The following MGAT4A variants were observed in gnomAD, a reference collection of about 807,000 sequenced individuals.
MGAT4A encodes alpha-1,3-mannosyl-glycoprotein 4-beta-N-acetylglucosaminyltransferase A, also known as N-acetylglucosaminyltransferase IVa.
A neutral mutation model predicts 74.1 loss-of-function variants in MGAT4A; 33 were observed. The observed-to-expected ratio is 0.45, with a 90% CI of 0.34 to 0.60. MGAT4A has a LOEUF of 0.60. Ranked by LOEUF, MGAT4A falls within the 20% of genes least tolerant of loss-of-function variation. MGAT4A has a pLI of 0.02. For missense variants in MGAT4A, 479 were observed against 628.3 expected, an observed-to-expected ratio of 0.76 and a Z score of 2.54; for synonymous variants, 198 against 210.4, an observed-to-expected ratio of 0.94 and a Z score of 0.51.
In MGAT4A at chr2:98,621,754, G is replaced by C. The variant is rs1287411374; in HGVS notation, c.*3812C>G. 1.7e-6 allele frequency: 2 copies of C among 1,202,076 alleles called. No individual in the cohort carries two copies. Among genetic ancestry groups the C allele is most frequent in the East Asian group, 7.6e-5 (2 of 26,304 alleles). 74.5% of individuals were successfully genotyped at this position (1,202,076 alleles called of 1,614,324 possible). On this transcript the variant is annotated 3_prime_UTR_variant, in exon 16 of 16. Coordinates refer to ENST00000393487, the MANE Select transcript of MGAT4A (RefSeq NM_012214.3). ...TCCACATAACCAGTCTTTTCTTTGAGGGACAGCACTGTTGGGAGACAACCT... is the reference window on the plus strand; with the variant it reads ...TCCACATAACCAGTCTTTTCTTTGACGGACAGCACTGTTGGGAGACAACCT...
At chr2:98,641,741 T>C (rs1485511261) in intron 10 of MGAT4A, among the ~76,000 whole-genome samples, 1 of 151,644 alleles carries the variant, frequency 6.6e-6, no homozygotes, top group Non-Finnish European at 1.5e-5. Flanking sequence ...ACGTCTGTAA[T>C]CCTAGCACTT....
chr2:98,678,460 C>A lies in MGAT4A; in HGVS notation c.106G>T (p.Ala36Ser). ...TWQNGKEKLI[A>S]YQREFLALKE... ...AAAGCAAGGAATTCTCGTTGATAAG[C>A]AATCAGTTTTTCTAGAAGCAAAACC... Residue 36 changes from alanine (A) to serine (S), a missense_variant, in exon 3 of 16, where the codon GCT becomes TCT. Ala to Ser is a moderately conservative substitution (Grantham distance 99, BLOSUM62 1). Around this residue, in one of 3 missense-constraint regions of MGAT4A, gnomAD observed 205 missense variants for 232.7 expected, o/e 0.88. Coordinates refer to ENST00000393487, the MANE Select transcript of MGAT4A (RefSeq NM_012214.3). The A allele has an allele frequency of 6.4e-7, 1 of 1,571,634 alleles. No individual in the cohort carries two copies.
At chr2:98,627,757 CA>C (rs1049862630) in intron 14 of MGAT4A, among the ~76,000 whole-genome samples, 7 of 152,092 alleles carry the variant, frequency 4.6e-5, no homozygotes, top group African/African-American at 1.7e-4. Flanking sequence ...GTCCTGAACT[CA>C]AAAAAACTGC....
At chr2:98,700,068 C>T (rs1702330286) in intron 2 of MGAT4A, among the ~76,000 whole-genome samples, 1 of 152,008 alleles carries the variant, frequency 6.6e-6, no homozygotes, top group Non-Finnish European at 1.5e-5. Flanking sequence ...ATACCCAAAC[C>T]TCATGATTCC....
intron 2 of MGAT4A, among the ~76,000 whole-genome samples, chr2:98,681,774 G>A (rs532557921): frequency 1.2e-3 from 185 of 152,156 alleles, no homozygotes; most frequent in African/African-American, 3.8e-3. Context: ...GCAACATGGC[G>A]AGACCCCAAC....
rs148506698 is a variant in MGAT4A, at chr2:98,698,568, C to T, written c.95-20097G>A. On this transcript the variant is annotated intron_variant, in intron 2 of 15. Coordinates refer to ENST00000393487, the MANE Select transcript of MGAT4A (RefSeq NM_012214.3). ...CCTGACCAGGAACACGAAACTGTTA[C>T]CCATGCCTTTTCATTTTCCCCTTCA... Among the ~76,000 whole-genome samples, 131 of 152,238 alleles carry T rather than the reference C, an allele frequency of 8.6e-4. 1 individual carries two copies. Among genetic ancestry groups the T allele is most frequent in the Middle Eastern group, 6.8e-3 (2 of 294 alleles).
At chr2:98,720,725 T>C (rs926331536) in intron 2 of MGAT4A, among the ~76,000 whole-genome samples, 1 of 151,792 alleles carries the variant, frequency 6.6e-6, no homozygotes, top group African/African-American at 2.4e-5. Context: ...ATTAGCAAAC[T>C]TGAAGGCAGG....
chr2:98,716,994 TAC>T (rs1702602050), intron 2 of MGAT4A, among the ~76,000 whole-genome samples: 2 of 152,136 alleles, frequency 1.3e-5, no homozygotes, highest in Admixed American at 1.3e-4. Context: ...AATCTGTGTA[TAC>T]AGAGGGCCGA....
At chr2:98,626,574 C>T (rs184340138) in intron 14 of MGAT4A, among the ~76,000 whole-genome samples, 1 of 152,210 alleles carries the variant, frequency 6.6e-6, no homozygotes, top group African/African-American at 2.4e-5. Flanking sequence ...AAAGGACAGT[C>T]CTTGTGGGCC....
At position 98,623,807 on chromosome 2, in the gene MGAT4A, T is replaced by C; in HGVS notation, c.*1759A>G. The stretch of plus-strand genomic sequence containing the variant: ...CACAGGAAATGATGCTATTTCATGC[T>C]GTTGGTTCAGCACATTGGGTAACTA... On this transcript the variant is annotated 3_prime_UTR_variant, in exon 16 of 16. Transcript: ENST00000393487. 5.1e-6 allele frequency: 5 copies of C among 985,422 alleles called. No individual in the cohort carries two copies. The highest frequency in any genetic ancestry group is 4.8e-6 in the Non-Finnish European group (4 of 829,930). 61.0% of individuals were successfully genotyped at this position (985,422 alleles called of 1,614,324 possible).
chr2:98,663,005 G>T, intron 5 of MGAT4A, 41 bp downstream of exon 5: 1 of 1,375,636 alleles, frequency 7.3e-7, no homozygotes, highest in Non-Finnish European at 9.7e-7. Flanking sequence ...AACTCTTATA[G>T]GCTATATTTG....
At chr2:98,673,172 G>A (rs1701934255) in intron 4 of MGAT4A, among the ~76,000 whole-genome samples, 1 of 152,130 alleles carries the variant, frequency 6.6e-6, no homozygotes, top group Middle Eastern at 3.2e-3. Context: ...GGGGTCAGCA[G>A]CCACCGGCAG....
At chr2:98,646,348 A>G (rs1701485528) in intron 8 of MGAT4A, among the ~76,000 whole-genome samples, 1 of 152,140 alleles carries the variant, frequency 6.6e-6, no homozygotes, top group African/African-American at 2.4e-5. Context: ...GCACTCCTCA[A>G]TGATCGATTC....
chr2:98,708,551 A>G (rs1702473078), intron 2 of MGAT4A, among the ~76,000 whole-genome samples: 1 of 152,230 alleles, frequency 6.6e-6, no homozygotes. Context: ...ACTTAGTAAC[A>G]AAACAAAGAT....
chr2:98,679,808 C>A (rs144876266), intron 2 of MGAT4A, among the ~76,000 whole-genome samples: 65 of 152,170 alleles, frequency 4.3e-4, no homozygotes, highest in Non-Finnish European at 6.5e-4. Flanking sequence ...TGAATCAGCA[C>A]AAAGTGTACA....
chr2:98,623,737 T>C lies in MGAT4A; in HGVS notation c.*1829A>G. ...TAACAACATGGAGTGATGGAAATAA[T>C]TGTACTGTATCAGTGTTTCCAAACG... On this transcript the variant is annotated 3_prime_UTR_variant, in exon 16 of 16. Transcript: ENST00000393487. 1.0e-6 allele frequency: 1 copy of C among 985,450 alleles called. No individual in the cohort carries two copies. The highest frequency in any genetic ancestry group is 1.2e-6 in the Non-Finnish European group (1 of 829,936). The allele number at this position is 985,450 out of a possible 1,614,324, so 61.0% of individuals were successfully genotyped here.
chr2:98,695,644 C>T (rs1702261360), intron 2 of MGAT4A, among the ~76,000 whole-genome samples: 1 of 152,118 alleles, frequency 6.6e-6, no homozygotes, highest in African/African-American at 2.4e-5. Context: ...TTTGAGAAAA[C>T]CTGATTCCCT....
At chr2:98,629,252 G>C (rs530837332) in intron 14 of MGAT4A, among the ~76,000 whole-genome samples, 20 of 152,148 alleles carry the variant, frequency 1.3e-4, no homozygotes, top group African/African-American at 4.8e-4. Context: ...AATAAAATAA[G>C]GTACATTCAG....
At chr2:98,644,221 G>A (rs887600971) in intron 9 of MGAT4A, among the ~76,000 whole-genome samples, 168 bp from the exon 10 acceptor site, 11 of 152,054 alleles carry the variant, frequency 7.2e-5, no homozygotes, top group East Asian at 1.9e-4. Context: ...AAGTTGCTTC[G>A]GCTAAACTTT....
Sources: gnomAD v4.1 joint callset for allele counts (sites outside exome capture counted in the v4.1 genomes callset) on GRCh38, gnomAD v4.1.1 for gene constraint, gnomAD v4.1.1 regional missense constraint, MANE v1.5 for transcripts, NCBI Gene and HGNC (gene_info 2026-07-23, HGNC 2026-07-21) for gene names.